The following FBXL13 variants were observed in gnomAD, a reference collection of about 807,000 sequenced individuals.
FBXL13 encodes the protein F-box and leucine rich repeat protein 13, also known as F-box and leucine-rich repeat protein 13.
FBXL13 carries 67 observed loss-of-function variants against 83.6 expected under a neutral mutation model. The ratio of observed to expected loss-of-function variants is 0.80; its 90% CI spans 0.66 to 0.98. FBXL13 has a LOEUF of 0.98. Ranked by LOEUF, FBXL13 falls within the 50% of genes least tolerant of loss-of-function variation. The probability of loss-of-function intolerance (pLI) is 0.00; values close to 1 mark genes in which losing one functional copy is unlikely to be tolerated. For synonymous variants in FBXL13, 272 were observed against 299.5 expected (o/e 0.91, Z 0.95); for missense variants, 822 against 866.5 (o/e 0.95, Z 0.64).
chr7:103,047,373 G>A (rs2129494255), intron 2 of FBXL13, among the ~76,000 whole-genome samples: 1 of 152,100 alleles, frequency 6.6e-6, no homozygotes, highest in South Asian at 2.1e-4. Flanking sequence ...GCTTAATATT[G>A]GACTTATGTC....
At position 102,833,102 on chromosome 7, in the gene FBXL13, A is replaced by C. The variant is rs1801006973; in HGVS notation, c.1720-128T>G. 4 of 942,210 alleles carry C rather than the reference A, an allele frequency of 4.2e-6. No individual in the cohort carries two copies. In the East Asian group the frequency reaches 1.1e-4, roughly 25 times the overall value. The allele number at this position is 942,210 out of a possible 1,614,324, so 58.4% of individuals were successfully genotyped here. A position where few individuals can be genotyped will look rare whatever the true frequency, so the allele number is the denominator to read the frequency against. The stretch of plus-strand genomic sequence containing the variant: ...GATGTTAGATCTTGATGCCCCCAAA[A>C]AATAATTTAAAAAACCCATGTTACA... On this transcript the variant is annotated intron_variant, in intron 17 of 19. Transcript: ENST00000313221.
intron 7 of FBXL13, 121 bp from the exon 9 acceptor site, chr7:102,963,786 A>C: frequency 2.2e-6 from 2 of 926,874 alleles, no homozygotes; most frequent in South Asian, 2.0e-5. Context: ...AGCAAAAGAA[A>C]CTATCAATAG....
intron 17 of FBXL13, among the ~76,000 whole-genome samples, chr7:102,840,482 C>T (rs1438355508): frequency 6.6e-6 from 1 of 152,190 alleles, no homozygotes; most frequent in Non-Finnish European, 1.5e-5. Context: ...AATAATCAGC[C>T]AGAAAGAGTT....
At chr7:102,933,989 G>C (rs775763247) in intron 8 of FBXL13, 1 of 1,614,168 alleles carries the variant, frequency 6.2e-7, no homozygotes, top group East Asian at 2.2e-5. Context: ...CCCAGGCAGT[G>C]TGAGAAGCCG....
chr7:103,018,830 T>A (rs1257155553), intron 6 of FBXL13, among the ~76,000 whole-genome samples: 1 of 152,024 alleles, frequency 6.6e-6, no homozygotes, highest in African/African-American at 2.4e-5. Context: ...ATAAAGCAAG[T>A]CCTTAGAGAC....
intron 18 of FBXL13, among the ~76,000 whole-genome samples, chr7:102,826,116 T>C (rs534457222): frequency 6.6e-6 from 1 of 152,334 alleles, no homozygotes; most frequent in African/African-American, 2.4e-5. Flanking sequence ...TGCTGAATTA[T>C]ACTTTTGTTT....
intron 8 of FBXL13, among the ~76,000 whole-genome samples, chr7:102,946,440 T>C (rs1822504583): frequency 6.6e-6 from 1 of 152,198 alleles, no homozygotes; most frequent in Admixed American, 6.5e-5. Context: ...CATGGCTGTC[T>C]GGCACCAGAA....
chr7:102,900,120 T>G (rs1353711192), intron 11 of FBXL13, among the ~76,000 whole-genome samples: 1 of 152,340 alleles, frequency 6.6e-6, no homozygotes, highest in Middle Eastern at 3.4e-3. Context: ...TAATTGATTT[T>G]CACTTTTTAT....
intron 6 of FBXL13, among the ~76,000 whole-genome samples, chr7:103,024,857 A>ATATTTTT (rs1298384907): frequency 1.6e-5 from 1 of 62,844 alleles, no homozygotes; most frequent in Non-Finnish European, 2.5e-5. Context: ...ATATATATAT[A>ATATTTTT]TTTTTTTTTT....
Position 102,832,834 on chromosome 7 carries a change from A to G in FBXL13, c.1854+6T>C, listed in dbSNP as rs1156235090. On this transcript the variant is annotated splice_donor_region_variant and intron_variant, in intron 18 of 19. Transcript: ENST00000313221. Reference sequence around the variant, plus strand: ...GATGTGTTTGAGCCCTGACTCCTGCACATACCTTTGGACAGCCAGCAATGC... The same window carrying G: ...GATGTGTTTGAGCCCTGACTCCTGCGCATACCTTTGGACAGCCAGCAATGC... The G allele has an allele frequency of 6.2e-7, 1 of 1,614,036 alleles. No homozygotes were observed. The highest frequency in any genetic ancestry group is 2.2e-5 in the East Asian group (1 of 44,888).
intron 5 of FBXL13, among the ~76,000 whole-genome samples, chr7:103,027,012 G>A (rs1019706123): frequency 5.3e-5 from 8 of 152,002 alleles, no homozygotes; most frequent in Non-Finnish European, 8.8e-5. Flanking sequence ...CAAGAATCCC[G>A]GCCAGACACG....
chr7:102,857,046 G>T (rs1017166871), intron 16 of FBXL13, among the ~76,000 whole-genome samples: 1 of 151,994 alleles, frequency 6.6e-6, no homozygotes, highest in African/African-American at 2.4e-5. Flanking sequence ...CTAGAAGAAT[G>T]AAACTAGACT....
chr7:102,968,495 T>G (rs377438639), intron 6 of FBXL13, among the ~76,000 whole-genome samples: 1 of 152,338 alleles, frequency 6.6e-6, no homozygotes, highest in East Asian at 1.9e-4. Flanking sequence ...CAATACTGTC[T>G]GCTGAACTAA....
intron 16 of FBXL13, among the ~76,000 whole-genome samples, chr7:102,863,515 G>C (rs549929425): frequency 1.5e-4 from 7 of 45,476 alleles, no homozygotes; most frequent in African/African-American, 5.5e-4. Context: ...GATAAAATTG[G>C]GGGGGGGGAT....
At chr7:103,043,624 G>T (rs1005403869) in intron 2 of FBXL13, among the ~76,000 whole-genome samples, 1 of 152,274 alleles carries the variant, frequency 6.6e-6, no homozygotes, top group Admixed American at 6.5e-5. Flanking sequence ...CAATTCTCCT[G>T]CCTCAGCCTC....
intron 10 of FBXL13, among the ~76,000 whole-genome samples, 199 bp downstream of exon 11, chr7:102,926,075 T>A (rs961083508): frequency 1.3e-5 from 2 of 150,376 alleles, no homozygotes; most frequent in Non-Finnish European, 3.0e-5. Flanking sequence ...GCTGTAAGAG[T>A]CACAAAAATG....
intron 16 of FBXL13, among the ~76,000 whole-genome samples, chr7:102,872,997 A>G (rs756730620): frequency 3.3e-5 from 5 of 152,216 alleles, no homozygotes; most frequent in Admixed American, 6.5e-5. Flanking sequence ...TATTATAAGA[A>G]ACACAAATCT....
chr7:103,025,882 A>T (rs1793845003), intron 5 of FBXL13, among the ~76,000 whole-genome samples: 1 of 151,986 alleles, frequency 6.6e-6, no homozygotes, highest in Non-Finnish European at 1.5e-5. Flanking sequence ...TGCTCCCAGC[A>T]TACACTTGCC....
At chr7:102,866,655 T>A (rs920768675) in intron 16 of FBXL13, among the ~76,000 whole-genome samples, 1 of 152,216 alleles carries the variant, frequency 6.6e-6, no homozygotes, top group African/African-American at 2.4e-5. Context: ...GTGTGTTCCA[T>A]GCAGATGGGT....
Sources: allele counts gnomAD v4.1 joint callset (sites outside exome capture counted in the v4.1 genomes callset), GRCh38; gene constraint gnomAD v4.1.1; transcripts MANE v1.5; gene names NCBI Gene and HGNC (gene_info 2026-07-23, HGNC 2026-07-21).